The following PAK1 variants were observed in gnomAD, a reference collection of about 807,000 sequenced individuals.
PAK1 encodes the protein serine/threonine-protein kinase PAK 1.
PAK1 carries 29 observed loss-of-function variants against 67.4 expected under a neutral mutation model. The observed-to-expected ratio is 0.43, with a 90% CI of 0.32 to 0.59. The LOEUF is 0.59. Ranked by LOEUF, PAK1 falls within the 20% of genes least tolerant of loss-of-function variation. The probability of loss-of-function intolerance (pLI) is 0.07; values close to 1 mark genes in which losing one functional copy is unlikely to be tolerated. For missense variants in PAK1, 337 were observed against 670.7 expected (o/e 0.50, Z 5.50); for synonymous variants, 223 against 237.4 (o/e 0.94, Z 0.56).
intron 2 of PAK1, among the ~76,000 whole-genome samples, chr11:77,381,921 T>C (rs1949890493): frequency 1.3e-5 from 2 of 152,168 alleles, no homozygotes; most frequent in Non-Finnish European, 2.9e-5. Flanking sequence ...GGCTAAGGGG[T>C]ATACCAGGGC....
upstream of PAK1, among the ~76,000 whole-genome samples, chr11:77,477,640 C>A (rs543241259): frequency 6.6e-6 from 1 of 151,862 alleles, no homozygotes; most frequent in East Asian, 1.9e-4. Flanking sequence ...ATAGTCCCAG[C>A]TACCCAGGAG....
intron 2 of PAK1, among the ~76,000 whole-genome samples, chr11:77,391,972 C>G (rs901797615): frequency 6.6e-6 from 1 of 152,056 alleles, no homozygotes; most frequent in African/African-American, 2.4e-5. Context: ...AAAACATTTC[C>G]AATTGAAACT....
chr11:77,439,815 TG>T (rs1221583942), intron 1 of PAK1, among the ~76,000 whole-genome samples: 5 of 152,174 alleles, frequency 3.3e-5, no homozygotes, highest in Admixed American at 1.3e-4. Context: ...ATCAGGTGCC[TG>T]GGTCTGTATC....
At chr11:77,482,268 C>A in the PAK1 span, among the ~76,000 whole-genome samples, 1 of 78,134 alleles carries the variant, frequency 1.3e-5, no homozygotes, top group Non-Finnish European at 3.2e-5. Context: ...GGATTACTGG[C>A]GTGAGCCACC....
intron 10 of PAK1, among the ~76,000 whole-genome samples, chr11:77,341,658 A>G (rs1239101148): frequency 5.3e-5 from 8 of 152,240 alleles, no homozygotes; most frequent in African/African-American, 1.9e-4. Context: ...AGGCGAGCCT[A>G]GAGCCCTAAA....
the PAK1 span, among the ~76,000 whole-genome samples, chr11:77,517,048 A>G: frequency 2.0e-5 from 3 of 152,120 alleles, no homozygotes; most frequent in African/African-American, 7.2e-5. Context: ...AAGAAAAAAT[A>G]AGGCAATTTA....
rs183234390 is a variant in PAK1 at position 77,385,560 on chromosome 11, T to C, written c.191-5566A>G. ...ATCTAAATAAGGATTCCTACAACGA[T>C]GTTAAGAATTCTTGGCTGGGCGCAG... On this transcript the variant is annotated intron_variant, in intron 2 of 14. Coordinates refer to ENST00000356341, the MANE Select transcript of PAK1 (RefSeq NM_002576.5). Among the ~76,000 whole-genome samples, 590 of 152,294 alleles carry C rather than the reference T, an allele frequency of 3.9e-3. 7 individuals are homozygous for C. The highest frequency in any genetic ancestry group is 0.013 in the African/African-American group (557 of 41,586).
chr11:77,339,508 C>A (rs1038589567), intron 11 of PAK1, among the ~76,000 whole-genome samples: 2 of 151,886 alleles, frequency 1.3e-5, no homozygotes, highest in Non-Finnish European at 2.9e-5. Flanking sequence ...AAAGTCAGAA[C>A]CCCTAAGAAT....
chr11:77,528,842 T>A, the PAK1 span, among the ~76,000 whole-genome samples: 1 of 152,184 alleles, frequency 6.6e-6, no homozygotes, highest in Admixed American at 6.5e-5. Flanking sequence ...GGTTAGAAAA[T>A]TGTTAAATTC....
intron 5 of PAK1, among the ~76,000 whole-genome samples, chr11:77,364,691 A>G (rs1049772878): frequency 2.0e-5 from 3 of 152,180 alleles, no homozygotes; most frequent in African/African-American, 7.2e-5. Context: ...CCTAGGGGGA[A>G]AAAAGCAATC....
At chr11:77,461,062 G>A (rs1957322093) in intron 1 of PAK1, among the ~76,000 whole-genome samples, 1 of 152,146 alleles carries the variant, frequency 6.6e-6, no homozygotes, top group South Asian at 2.1e-4. Flanking sequence ...GGCTGTAGTG[G>A]TTTTTTCAGT....
chr11:77,377,010 G>A (rs562700461), intron 4 of PAK1, among the ~76,000 whole-genome samples: 2 of 152,222 alleles, frequency 1.3e-5, no homozygotes, highest in South Asian at 4.2e-4. Context: ...CAGGCTCAGT[G>A]GCTCACACCA....
intron 14 of PAK1, chr11:77,325,453 T>C: frequency 6.9e-7 from 1 of 1,454,020 alleles, no homozygotes; most frequent in Middle Eastern, 2.4e-4. Flanking sequence ...AGTGCCTAAA[T>C]ATATAAAGTG....
chr11:77,351,756 A>G (rs967118860), intron 8 of PAK1, among the ~76,000 whole-genome samples: 3 of 152,116 alleles, frequency 2.0e-5, no homozygotes, highest in African/African-American at 7.2e-5. Flanking sequence ...TTTAAAAAAA[A>G]AAAGAAAATT....
At chr11:77,392,233 AG>A in intron 2 of PAK1, 97 bp downstream of exon 2, 5 of 868,450 alleles carry the variant, frequency 5.8e-6, no homozygotes, top group Non-Finnish European at 6.8e-6. Context: ...AAAACATTAA[AG>A]GAAAATTAAG....
rs151255186 is a variant in PAK1 at position 77,389,820 on chromosome 11, C to T, written c.190+2511G>A. On this transcript the variant is annotated intron_variant, in intron 2 of 14. Transcript: ENST00000356341. ...TTCTGTGTGTTACCTTTTTGCTTTC[C>T]GGATGATGCCCTTTGAAACATAAAT... Among the ~76,000 whole-genome samples, 94 of 152,090 alleles carry T rather than the reference C, an allele frequency of 6.2e-4. 1 individual carries two copies. The highest frequency in any genetic ancestry group is 1.2e-3 in the East Asian group (6 of 5,184).
At chr11:77,400,326 G>A (rs1467265475) in intron 1 of PAK1, among the ~76,000 whole-genome samples, 1 of 152,154 alleles carries the variant, frequency 6.6e-6, no homozygotes, top group Admixed American at 6.5e-5. Flanking sequence ...TTTATGTTCT[G>A]CACCACGTAG....
chr11:77,487,719 A>G, the PAK1 span, among the ~76,000 whole-genome samples: 1 of 152,046 alleles, frequency 6.6e-6, no homozygotes, highest in East Asian at 1.9e-4. Context: ...GGGAGGGAAG[A>G]GTATGAAGAA....
chr11:77,420,047 T>C (rs1955177008), intron 1 of PAK1, among the ~76,000 whole-genome samples: 1 of 152,164 alleles, frequency 6.6e-6, no homozygotes, highest in Non-Finnish European at 1.5e-5. Context: ...TAAGTCAAAG[T>C]ATACTTGAAT....
Sources: allele counts gnomAD v4.1 joint callset (sites outside exome capture counted in the v4.1 genomes callset), GRCh38; gene constraint gnomAD v4.1.1; transcripts MANE v1.5; gene names NCBI Gene and HGNC (gene_info 2026-07-23, HGNC 2026-07-21).